Variants in ZMYND11 observed in about 807,000 individuals in gnomAD.
The protein encoded by ZMYND11 is zinc finger MYND-type containing 11.
In ZMYND11, 9 loss-of-function variants were observed where a neutral mutation model predicts 84.9. The ratio of observed to expected loss-of-function variants is 0.11; its 90% CI spans 0.06 to 0.18. The LOEUF is 0.18. ZMYND11 is among the 10% of genes least tolerant of loss of function. ZMYND11 has a pLI of 1.00. For missense variants in ZMYND11, 409 were observed against 761.0 expected (o/e 0.54, Z 5.44); for synonymous variants, 250 against 244.1 (o/e 1.02, Z -0.23).
intron 4 of ZMYND11, among the ~76,000 whole-genome samples, chr10:229,285 T>G (rs1346563591): frequency 6.6e-6 from 1 of 152,242 alleles, no homozygotes; most frequent in Non-Finnish European, 1.5e-5. Context: ...GAGTGGCCTG[T>G]GACTGGAGTC....
At chr10:249,270 C>G in intron 14 of ZMYND11, 182 bp downstream of exon 14, 1 of 1,439,364 alleles carries the variant, frequency 6.9e-7, no homozygotes, top group Non-Finnish European at 9.1e-7. Flanking sequence ...AACCCCAGAT[C>G]CCATATTACT....
chr10:203,067 C>A (rs990496215), intron 2 of ZMYND11, among the ~76,000 whole-genome samples: 2 of 152,020 alleles, frequency 1.3e-5, no homozygotes, highest in African/African-American at 4.8e-5. Flanking sequence ...TTATATTTAT[C>A]ATTTTATATT....
chr10:137,800 C>A (rs1554752634), intron 1 of ZMYND11, among the ~76,000 whole-genome samples: 1 of 152,128 alleles, frequency 6.6e-6, no homozygotes, highest in African/African-American at 2.4e-5. Flanking sequence ...TATAAGATGA[C>A]CAGGCTAGAG....
intron 1 of ZMYND11, among the ~76,000 whole-genome samples, chr10:175,303 A>G (rs988751378): frequency 5.3e-5 from 8 of 152,212 alleles, no homozygotes; most frequent in Non-Finnish European, 1.2e-4. Context: ...TAATTTTAAA[A>G]AAGTAATTCT....
chr10:169,189 A>G (rs932343190), intron 1 of ZMYND11, among the ~76,000 whole-genome samples: 8 of 151,800 alleles, frequency 5.3e-5, no homozygotes, highest in East Asian at 1.9e-4. Context: ...TACAGCTTCA[A>G]CCCCCTCCAG....
chr10:235,418 C>G (rs1243218498), intron 4 of ZMYND11, among the ~76,000 whole-genome samples: 1 of 151,862 alleles, frequency 6.6e-6, no homozygotes, highest in East Asian at 1.9e-4. Flanking sequence ...CCCGCCCCCA[C>G]CAGAAAAAAA....
rs1953906143 is a variant in ZMYND11, at chr10:253,635, C to T, written c.*1165C>T. On this transcript the variant is annotated 3_prime_UTR_variant, in exon 15 of 15. Coordinates refer to ENST00000381604, the MANE Select transcript of ZMYND11 (RefSeq NM_001370100.5). Reference sequence around the variant, plus strand: ...TTATACATAGATATATAAAATACAGCCAGGAAAACTTAAATTACTTTTCTT... The same window carrying T: ...TTATACATAGATATATAAAATACAGTCAGGAAAACTTAAATTACTTTTCTT... 6.6e-6 allele frequency: 1 copy of T among 152,480 alleles called. No individual in the cohort carries two copies. The highest frequency in any genetic ancestry group is 2.4e-5 in the African/African-American group (1 of 41,406). 9.4% of individuals were successfully genotyped at this position (152,480 alleles called of 1,614,324 possible). A position where few individuals can be genotyped will look rare whatever the true frequency, so the allele number is the denominator to read the frequency against.
intron 12 of ZMYND11, 46 bp downstream of exon 12, chr10:247,512 A>C: frequency 3.2e-6 from 5 of 1,574,500 alleles, no homozygotes; most frequent in Non-Finnish European, 4.4e-6. Flanking sequence ...TGAAACAGGA[A>C]ATATTTTCAA....
chr10:179,098 G>T (rs1847282819), intron 1 of ZMYND11, among the ~76,000 whole-genome samples: 1 of 152,172 alleles, frequency 6.6e-6, no homozygotes, highest in African/African-American at 2.4e-5. Context: ...ATGATAACAT[G>T]TATGATCTAG....
intron 3 of ZMYND11, among the ~76,000 whole-genome samples, chr10:216,139 A>G (rs888259814): frequency 6.6e-6 from 1 of 152,174 alleles, no homozygotes; most frequent in African/African-American, 2.4e-5. Context: ...TCTTTTAGAT[A>G]GGAGATAGGA....
intron 2 of ZMYND11, among the ~76,000 whole-genome samples, chr10:189,887 G>T (rs1463108824): frequency 6.6e-6 from 1 of 152,126 alleles, no homozygotes; most frequent in Non-Finnish European, 1.5e-5. Flanking sequence ...CCTTGTGAAG[G>T]GTACAGAAAT....
intron 1 of ZMYND11, among the ~76,000 whole-genome samples, chr10:144,127 C>G (rs752025844): frequency 6.6e-6 from 1 of 152,116 alleles, no homozygotes; most frequent in Non-Finnish European, 1.5e-5. Context: ...AGCTGAACAG[C>G]CAGCAGTACA....
In ZMYND11 at chr10:208,549, T is replaced by A. The variant is rs560803901; in HGVS notation, c.117-1340T>A. Among the ~76,000 whole-genome samples the A allele has an allele frequency of 2.0e-5, 3 of 152,338 alleles. No individual in the cohort carries two copies. The East Asian group carries it at 5.8e-4, about 29-fold the overall frequency. On this transcript the variant is annotated intron_variant, in intron 2 of 14. Transcript: ENST00000381604. Reference sequence around the variant, plus strand: ...CAAAAGACACATGAAAAAATGTTTTTTGTTTTAAGGGTGATGTTTATATAT... The same window carrying A: ...CAAAAGACACATGAAAAAATGTTTTATGTTTTAAGGGTGATGTTTATATAT...
upstream of ZMYND11, among the ~76,000 whole-genome samples, chr10:130,804 A>G (rs560960008): frequency 6.6e-6 from 1 of 152,236 alleles, no homozygotes; most frequent in East Asian, 1.9e-4. Context: ...ACTAGTGCAT[A>G]TTCTTCTACA....
chr10:151,321 A>C (rs984156028), intron 1 of ZMYND11, among the ~76,000 whole-genome samples: 10 of 152,228 alleles, frequency 6.6e-5, no homozygotes, highest in African/African-American at 9.6e-5. Context: ...CCTTGAAAAA[A>C]GATTAGACGG....
intron 8 of ZMYND11, among the ~76,000 whole-genome samples, chr10:240,683 G>A (rs1950734552): frequency 1.3e-5 from 2 of 152,302 alleles, no homozygotes; most frequent in South Asian, 2.1e-4. Context: ...TCCAACTGTG[G>A]CCTGAGACCA....
intron 2 of ZMYND11, among the ~76,000 whole-genome samples, chr10:208,631 C>T (rs1432988984): frequency 2.0e-5 from 3 of 152,140 alleles, no homozygotes; most frequent in Admixed American, 6.6e-5. Flanking sequence ...CTGTGGGCGT[C>T]GAGGACATTA....
chr10:176,611 T>C (rs1554767006), intron 1 of ZMYND11, among the ~76,000 whole-genome samples: 1 of 152,180 alleles, frequency 6.6e-6, no homozygotes. Flanking sequence ...ATTAAAACAA[T>C]TCTTTTGAGG....
intron 1 of ZMYND11, among the ~76,000 whole-genome samples, chr10:154,574 A>G (rs957200711): frequency 1.4e-4 from 21 of 152,206 alleles, no homozygotes; most frequent in Non-Finnish European, 4.4e-5. Flanking sequence ...CTGAGGTCAT[A>G]TGATGTCAGA....
Sources: allele counts gnomAD v4.1 joint callset (sites outside exome capture counted in the v4.1 genomes callset), GRCh38; gene constraint gnomAD v4.1.1; transcripts MANE v1.5; gene names NCBI Gene and HGNC (gene_info 2026-07-23, HGNC 2026-07-21).